CAB39L: variants seen among roughly 807,000 people sequenced by gnomAD.
The protein encoded by CAB39L is calcium binding protein 39 like, also known as calcium-binding protein 39-like.
CAB39L carries 23 observed loss-of-function variants against 39.1 expected under a neutral mutation model. The observed-to-expected ratio is 0.59, with a 90% confidence interval of 0.42 to 0.83. CAB39L has a LOEUF of 0.83. Among genes scored for constraint, CAB39L ranks in the 40% least tolerant of loss-of-function variants. The pLI, the probability that CAB39L is intolerant of heterozygous loss-of-function variation, is 0.00. For missense variants in CAB39L, 366 were observed against 391.9 expected, an observed-to-expected ratio of 0.93 and a Z score of 0.56; for synonymous variants, 126 against 137.2, an observed-to-expected ratio of 0.92 and a Z score of 0.57.
At chr13:49,371,350 C>T (rs1387496804) in intron 5 of CAB39L, among the ~76,000 whole-genome samples, 2 of 151,944 alleles carry the variant, frequency 1.3e-5, no homozygotes, top group Non-Finnish European at 2.9e-5. Flanking sequence ...ACCATGGCCA[C>T]GGCTAATTTT....
intron 3 of CAB39L, among the ~76,000 whole-genome samples, chr13:49,383,402 C>T (rs1199849016): frequency 6.6e-6 from 1 of 152,150 alleles, no homozygotes; most frequent in Non-Finnish European, 1.5e-5. Flanking sequence ...ATGATTCTAT[C>T]TTAAATGTCC....
chr13:49,412,928 C>T (rs74073715), intron 3 of CAB39L: 36,446 of 152,026 alleles, frequency 0.24, 4,597 homozygotes, highest in African/African-American at 0.32. Context: ...CTGTGCTGCC[C>T]GGTTCCTAAC....
intron 10 of CAB39L, among the ~76,000 whole-genome samples, chr13:49,329,511 C>T (rs1430567144): frequency 1.5e-5 from 2 of 134,446 alleles, no homozygotes; most frequent in East Asian, 2.2e-4. Flanking sequence ...TTCCCCATAC[C>T]TTGTCCTACA....
intron 4 of CAB39L, 120 bp downstream of exon 4, chr13:49,382,680 T>C: frequency 1.5e-6 from 1 of 648,488 alleles, no homozygotes; most frequent in Non-Finnish European, 2.8e-6. Flanking sequence ...TAAATCTATT[T>C]ATAGAGGGTC....
At chr13:49,392,341 G>T (rs896636805) in intron 3 of CAB39L, among the ~76,000 whole-genome samples, 1 of 152,008 alleles carries the variant, frequency 6.6e-6, no homozygotes, top group Non-Finnish European at 1.5e-5. Flanking sequence ...GGAAGTCATT[G>T]CTTGAAAGGA....
At chr13:49,321,651 G>A (rs914939320) in intron 10 of CAB39L, among the ~76,000 whole-genome samples, 6 of 152,084 alleles carry the variant, frequency 3.9e-5, no homozygotes, top group Non-Finnish European at 8.8e-5. Context: ...CGACTATTTC[G>A]TTCAAATGTT....
chr13:49,372,924 C>T (rs186314576), intron 5 of CAB39L, among the ~76,000 whole-genome samples: 66 of 152,300 alleles, frequency 4.3e-4, no homozygotes, highest in African/African-American at 1.5e-3. Context: ...CCGCCCGCCT[C>T]GGCCTCCCAA....
At chr13:49,382,074 T>TGTGG (rs1956262741) in intron 4 of CAB39L, among the ~76,000 whole-genome samples, 1 of 152,326 alleles carries the variant, frequency 6.6e-6, no homozygotes. Flanking sequence ...CTGAATTTAT[T>TGTGG]GTGGTTTTAG....
chr13:49,317,910 T>TAAC (rs764960617), intron 10 of CAB39L, among the ~76,000 whole-genome samples: 1 of 151,850 alleles, frequency 6.6e-6, no homozygotes, highest in African/African-American at 2.4e-5. Flanking sequence ...TCTTACAACT[T>TAAC]AACAACAACA....
intron 9 of CAB39L, 45 bp downstream of exon 9, chr13:49,339,632 G>T (rs1477520514): frequency 1.3e-6 from 2 of 1,504,400 alleles, no homozygotes; most frequent in Non-Finnish European, 1.8e-6. Context: ...TTGCTAATGA[G>T]ATATAAACTT....
At chr13:49,330,669 ATTTATT>A (rs954001430) in intron 10 of CAB39L, among the ~76,000 whole-genome samples, 3 of 150,088 alleles carry the variant, frequency 2.0e-5, no homozygotes, top group Non-Finnish European at 3.0e-5. Context: ...TTAGAAAAAT[ATTTATT>A]TTTTTATTTA....
chr13:49,431,087 T>C (rs1416387438), intron 3 of CAB39L, among the ~76,000 whole-genome samples: 9 of 152,250 alleles, frequency 5.9e-5, no homozygotes, highest in Non-Finnish European at 1.3e-4. Flanking sequence ...TATGTGTATT[T>C]ACCTGTGAAA....
At chr13:49,353,129 A>T (rs1161333704) in intron 6 of CAB39L, among the ~76,000 whole-genome samples, 1 of 152,244 alleles carries the variant, frequency 6.6e-6, no homozygotes, top group African/African-American at 2.4e-5. Flanking sequence ...TAGTAACATT[A>T]AATGCTGATA....
chr13:49,420,239 CTTGCCA>C (rs1389917498), intron 3 of CAB39L: 1 of 152,124 alleles, frequency 6.6e-6, no homozygotes, highest in Non-Finnish European at 1.5e-5. Flanking sequence ...ATAGATTTGT[CTTGCCA>C]TATTTCTCTA....
chr13:49,363,365 T>C (rs1019970062), intron 5 of CAB39L, among the ~76,000 whole-genome samples: 7 of 152,108 alleles, frequency 4.6e-5, no homozygotes, highest in Admixed American at 2.0e-4. Context: ...AGTTAAGGTG[T>C]AGAGTTCTTA....
At chr13:49,312,199 G>T (rs1477244373) in intron 10 of CAB39L, among the ~76,000 whole-genome samples, 2 of 152,034 alleles carry the variant, frequency 1.3e-5, no homozygotes, top group African/African-American at 4.8e-5. Flanking sequence ...CTGGCCCTAA[G>T]GTTAACTTAT....
chr13:49,397,845 A>AG, intron 3 of CAB39L, among the ~76,000 whole-genome samples: 1 of 152,134 alleles, frequency 6.6e-6, no homozygotes, highest in Non-Finnish European at 1.5e-5. Context: ...ACTGAAATTA[A>AG]CAAATGGTTA....
chr13:49,346,034 T>G (rs755863580), intron 7 of CAB39L, among the ~76,000 whole-genome samples: 1 of 125,036 alleles, frequency 8.0e-6, no homozygotes, highest in African/African-American at 3.1e-5. Flanking sequence ...GAAACCATAA[T>G]AGGGTGGGGT....
chr13:49,413,712 A>T (rs1256896478), intron 3 of CAB39L: 1 of 152,190 alleles, frequency 6.6e-6, no homozygotes, highest in African/African-American at 2.4e-5. Flanking sequence ...TCCCATTTCA[A>T]CCAATACTCA....
Sources: allele counts gnomAD v4.1 joint callset (sites outside exome capture counted in the v4.1 genomes callset), GRCh38; gene constraint gnomAD v4.1.1; transcripts MANE v1.5; gene names NCBI Gene and HGNC (gene_info 2026-07-23, HGNC 2026-07-21).